The following GRIA1 variants were observed in gnomAD, a reference collection of about 807,000 sequenced individuals.
GRIA1 encodes the protein glutamate ionotropic receptor AMPA type subunit 1.
In GRIA1, 31 loss-of-function variants were observed where a neutral mutation model predicts 99.2. That is an observed-to-expected ratio of 0.31 (90% CI 0.23 to 0.42). The LOEUF (loss-of-function observed/expected upper bound fraction) is 0.42. Ranked by LOEUF, GRIA1 falls within the 10% of genes least tolerant of loss-of-function variation. GRIA1 has a pLI of 1.00. For missense variants in GRIA1, 782 were observed against 1,157.5 expected (o/e 0.68, Z 4.71); for synonymous variants, 438 against 432.4 (o/e 1.01, Z -0.16).
chr5:153,606,407 T>G (rs965874670), intron 2 of GRIA1, among the ~76,000 whole-genome samples: 3 of 152,100 alleles, frequency 2.0e-5, no homozygotes, highest in Non-Finnish European at 2.9e-5. Flanking sequence ...ACATACAAAT[T>G]TTAGAACCAG....
intron 2 of GRIA1, among the ~76,000 whole-genome samples, chr5:153,604,699 AT>A (rs1358633646): frequency 3.3e-5 from 5 of 152,110 alleles, no homozygotes; most frequent in African/African-American, 1.2e-4. Flanking sequence ...TTAGAGTTTA[AT>A]TTTGTCTACA....
chr5:153,760,042 T>C (rs1358090064), intron 11 of GRIA1, among the ~76,000 whole-genome samples: 1 of 151,810 alleles, frequency 6.6e-6, no homozygotes, highest in Non-Finnish European at 1.5e-5. Flanking sequence ...AGAAAGAAAA[T>C]ACCTCCACAC....
chr5:153,756,643 GC>G (rs1561834401), intron 11 of GRIA1, among the ~76,000 whole-genome samples: 2 of 152,202 alleles, frequency 1.3e-5, no homozygotes, highest in East Asian at 3.9e-4. Context: ...TCCAGTACCC[GC>G]CTTGACTCTT....
At chr5:153,696,995 A>G (rs1758161563) in intron 8 of GRIA1, among the ~76,000 whole-genome samples, 1 of 152,144 alleles carries the variant, frequency 6.6e-6, no homozygotes, top group Non-Finnish European at 1.5e-5. Flanking sequence ...CTATACCCAG[A>G]TACCTACTGC....
chr5:153,725,232 G>A (rs1760423375), intron 11 of GRIA1, among the ~76,000 whole-genome samples: 1 of 151,494 alleles, frequency 6.6e-6, no homozygotes, highest in Admixed American at 6.6e-5. Context: ...TGCCCTAAAA[G>A]AGCTCCTGAA....
chr5:153,552,251 A>G (rs1015541342), intron 2 of GRIA1, among the ~76,000 whole-genome samples: 1 of 46,674 alleles, frequency 2.1e-5, no homozygotes, highest in African/African-American at 4.9e-5. Context: ...AAAAAAAGAA[A>G]AAAAAAAAGA....
At chr5:153,540,649 T>C (rs184457057) in intron 2 of GRIA1, among the ~76,000 whole-genome samples, 6 of 152,292 alleles carry the variant, frequency 3.9e-5, no homozygotes, top group African/African-American at 1.4e-4. Context: ...GAACAAGGTC[T>C]CTTTTCTCAT....
intron 2 of GRIA1, among the ~76,000 whole-genome samples, chr5:153,629,498 C>A (rs757323080): frequency 6.6e-6 from 1 of 152,212 alleles, no homozygotes; most frequent in Non-Finnish European, 1.5e-5. Flanking sequence ...TCTCCTGCTC[C>A]CCTGAAACCA....
chr5:153,810,386 A>T (rs1766735211), intron 15 of GRIA1, among the ~76,000 whole-genome samples: 1 of 152,216 alleles, frequency 6.6e-6, no homozygotes. Context: ...ACATTCCCTT[A>T]ACACATGCCG....
At chr5:153,612,289 A>G (rs1311981803) in intron 2 of GRIA1, among the ~76,000 whole-genome samples, 1 of 152,236 alleles carries the variant, frequency 6.6e-6, no homozygotes, top group Non-Finnish European at 1.5e-5. Flanking sequence ...ATACTAGTGA[A>G]TATGCTGAAT....
intron 10 of GRIA1, among the ~76,000 whole-genome samples, chr5:153,700,671 G>A (rs549948350): frequency 7.9e-5 from 12 of 152,204 alleles, no homozygotes; most frequent in African/African-American, 9.6e-5. Flanking sequence ...TGCAGGGAAG[G>A]GACCACCACG....
chr5:153,629,297 C>G (rs1232205071), intron 2 of GRIA1, among the ~76,000 whole-genome samples: 1 of 152,204 alleles, frequency 6.6e-6, no homozygotes, highest in Non-Finnish European at 1.5e-5. Flanking sequence ...GCATGCTTTT[C>G]ACAGCACCCT....
At chr5:153,757,913 T>C (rs1177552501) in intron 11 of GRIA1, among the ~76,000 whole-genome samples, 1 of 152,116 alleles carries the variant, frequency 6.6e-6, no homozygotes, top group Non-Finnish European at 1.5e-5. Flanking sequence ...TATTCTAATA[T>C]TATAATCATG....
intron 13 of GRIA1, among the ~76,000 whole-genome samples, chr5:153,779,409 G>T (rs929679513): frequency 4.6e-5 from 7 of 152,128 alleles, no homozygotes; most frequent in African/African-American, 1.7e-4. Flanking sequence ...AACATCAGGG[G>T]ACATGAGATG....
chr5:153,704,992 C>T (rs1207622287), intron 10 of GRIA1, among the ~76,000 whole-genome samples: 1 of 152,140 alleles, frequency 6.6e-6, no homozygotes, highest in Non-Finnish European at 1.5e-5. Flanking sequence ...TTAAATTGAC[C>T]TTTACTCAGG....
intron 2 of GRIA1, among the ~76,000 whole-genome samples, chr5:153,581,290 C>A (rs890873161): frequency 6.6e-6 from 1 of 152,232 alleles, no homozygotes; most frequent in African/African-American, 2.4e-5. Context: ...CCTCAGCCTA[C>A]TGTTTAAACA....
chr5:153,708,928 T>A (rs1390143996), intron 11 of GRIA1, among the ~76,000 whole-genome samples: 3 of 152,204 alleles, frequency 2.0e-5, no homozygotes, highest in Non-Finnish European at 4.4e-5. Context: ...GGACTTTTTT[T>A]AATCAAGCCA....
At chr5:153,648,984 G>A (rs534157647) in intron 3 of GRIA1, among the ~76,000 whole-genome samples, 32 of 152,294 alleles carry the variant, frequency 2.1e-4, no homozygotes, top group African/African-American at 7.5e-4. Context: ...ATTATGTTGG[G>A]GGGACACAAT....
chr5:153,588,555 T>G (rs897094455), intron 2 of GRIA1, among the ~76,000 whole-genome samples: 3 of 152,246 alleles, frequency 2.0e-5, no homozygotes, highest in Non-Finnish European at 2.9e-5. Context: ...AAATAGCTGA[T>G]GTAAATCTTG....
Sources: allele counts gnomAD v4.1 joint callset (sites outside exome capture counted in the v4.1 genomes callset), GRCh38; gene constraint gnomAD v4.1.1; transcripts MANE v1.5; gene names NCBI Gene and HGNC (gene_info 2026-07-23, HGNC 2026-07-21).